Variants in FBXO34 observed in about 807,000 individuals in gnomAD.
FBXO34 encodes F-box only protein 34.
A neutral mutation model predicts 24.5 loss-of-function variants in FBXO34; 12 were observed. The observed-to-expected ratio is 0.49, with a 90% CI of 0.31 to 0.79. The LOEUF (loss-of-function observed/expected upper bound fraction) is 0.79. Ranked by LOEUF, FBXO34 falls within the 30% of genes least tolerant of loss-of-function variation. The probability of loss-of-function intolerance (pLI) is 0.04; values close to 1 mark genes in which losing one functional copy is unlikely to be tolerated. For missense variants in FBXO34, 823 were observed against 857.7 expected (o/e 0.96, Z 0.51); for synonymous variants, 320 against 311.9 (o/e 1.03, Z -0.27).
chr14:55,272,205 G>T (rs1052526869), intron 1 of FBXO34: 1 of 152,304 alleles, frequency 6.6e-6, no homozygotes, highest in Non-Finnish European at 1.5e-5. Flanking sequence ...GGGCCGGGGG[G>T]ACCCGCAGGG....
chr14:55,411,817 C>T, the FBXO34 span: 1 of 1,592,688 alleles, frequency 6.3e-7, no homozygotes, highest in Non-Finnish European at 8.5e-7. Flanking sequence ...CACTGGGAGA[C>T]GCCATGATGG....
the FBXO34 span, among the ~76,000 whole-genome samples, chr14:55,416,350 G>C: frequency 6.6e-6 from 1 of 152,152 alleles, no homozygotes; most frequent in African/African-American, 2.4e-5. Flanking sequence ...CCAGCACTTT[G>C]GGAGGCCAAG....
downstream of FBXO34, among the ~76,000 whole-genome samples, chr14:55,370,984 C>T (rs1884804087): frequency 6.6e-6 from 1 of 152,116 alleles, no homozygotes; most frequent in African/African-American, 2.4e-5. Flanking sequence ...TGCCCCTCAG[C>T]TCCTGCTCCA....
chr14:55,385,943 T>C, the FBXO34 span: 4 of 1,614,150 alleles, frequency 2.5e-6, no homozygotes, highest in Non-Finnish European at 3.4e-6. Context: ...TGCCAGACGC[T>C]CATAATGACT....
intron 1 of FBXO34, among the ~76,000 whole-genome samples, chr14:55,276,619 T>TAAA (rs1365036413): frequency 6.6e-6 from 1 of 152,092 alleles, no homozygotes; most frequent in Non-Finnish European, 1.5e-5. Context: ...GATTAACTTT[T>TAAA]ATATCTTGGT....
At chr14:55,310,613 ATGCCTGCC>A (rs372963111) in intron 1 of FBXO34, among the ~76,000 whole-genome samples, 11 of 152,104 alleles carry the variant, frequency 7.2e-5, no homozygotes, top group Non-Finnish European at 1.6e-4. Flanking sequence ...GGGTTTCTTC[ATGCCTGCC>A]TGCCTGCCTG....
At chr14:55,359,883 C>T (rs945534959) in intron 3 of FBXO34, among the ~76,000 whole-genome samples, 11 of 145,174 alleles carry the variant, frequency 7.6e-5, no homozygotes, top group Non-Finnish European at 1.5e-4. Flanking sequence ...AGTTCAAGAC[C>T]AGGCTGGGCA....
the FBXO34 span, among the ~76,000 whole-genome samples, chr14:55,431,104 C>T: frequency 6.6e-6 from 1 of 152,190 alleles, no homozygotes; most frequent in Non-Finnish European, 1.5e-5. Flanking sequence ...TTTTCCTACG[C>T]AAACACAGGT....
At chr14:55,340,349 A>G (rs1364408636) in intron 1 of FBXO34, among the ~76,000 whole-genome samples, 2 of 151,354 alleles carry the variant, frequency 1.3e-5, no homozygotes, top group African/African-American at 2.4e-5. Flanking sequence ...GGCTCAGGCA[A>G]TCCCATGGTC....
the FBXO34 span, among the ~76,000 whole-genome samples, chr14:55,434,520 G>A: frequency 6.6e-6 from 1 of 152,180 alleles, no homozygotes; most frequent in Non-Finnish European, 1.5e-5. Context: ...CAAGTTCAGA[G>A]AGATCCTATA....
downstream of FBXO34, chr14:55,368,903 A>AAAAT (rs2140113275): frequency 6.6e-6 from 1 of 152,636 alleles, no homozygotes; most frequent in Non-Finnish European, 1.5e-5. Context: ...AGAATACAAG[A>AAAAT]AAATAGTTAA....
At chr14:55,369,576 G>C (rs761098909), downstream of FBXO34, 7 of 1,447,932 alleles carry the variant, frequency 4.8e-6, no homozygotes, top group Non-Finnish European at 6.4e-6. Context: ...AGTGGGAGAA[G>C]AACTTTCTTG....
chr14:55,314,706 A>G (rs186169179), intron 1 of FBXO34, among the ~76,000 whole-genome samples: 2 of 152,340 alleles, frequency 1.3e-5, no homozygotes, highest in African/African-American at 4.8e-5. Context: ...AAAGAAAAAA[A>G]CCTTGTTGGA....
chr14:55,390,522 C>T, the FBXO34 span, among the ~76,000 whole-genome samples: 7 of 151,912 alleles, frequency 4.6e-5, no homozygotes, highest in East Asian at 7.8e-4. Context: ...TACAGGCACC[C>T]GCCACCACAC....
At chr14:55,411,925 A>AAGG in the FBXO34 span, 2 of 1,136,220 alleles carry the variant, frequency 1.8e-6, no homozygotes, top group Non-Finnish European at 2.5e-6. Flanking sequence ...GATGCCGGCG[A>AAGG]GCCCCCGGAC....
downstream of FBXO34, chr14:55,361,954 C>T (rs145482480): frequency 8.9e-4 from 136 of 152,322 alleles, 1 homozygote; most frequent in African/African-American, 3.2e-3. Flanking sequence ...TTTGTGTGTT[C>T]ACTGGAGTAG....
chr14:55,283,158 T>A (rs1031708086), intron 1 of FBXO34, among the ~76,000 whole-genome samples: 2 of 152,214 alleles, frequency 1.3e-5, no homozygotes, highest in Non-Finnish European at 2.9e-5. Context: ...TCAAAATGTT[T>A]CCTGAAAATA....
intron 1 of FBXO34, among the ~76,000 whole-genome samples, chr14:55,302,203 G>C (rs191240994): frequency 1.3e-5 from 2 of 152,304 alleles, no homozygotes; most frequent in African/African-American, 2.4e-5. Flanking sequence ...TTTACTGATA[G>C]GAGTATTCCA....
At chr14:55,311,655 C>G (rs1166997730) in intron 1 of FBXO34, among the ~76,000 whole-genome samples, 1 of 152,096 alleles carries the variant, frequency 6.6e-6, no homozygotes, top group African/African-American at 2.4e-5. Flanking sequence ...AGAAATTAGC[C>G]CAAACAAAGG....
Sources: gnomAD v4.1 joint callset for allele counts (sites outside exome capture counted in the v4.1 genomes callset) on GRCh38, gnomAD v4.1.1 for gene constraint, MANE v1.5 for transcripts, NCBI Gene and HGNC (gene_info 2026-07-23, HGNC 2026-07-21) for gene names.